Variants in GARIN1A observed in about 807,000 individuals in gnomAD.
GARIN1A encodes golgi associated RAB2 interactor 1A.
the GARIN1A span, among the ~76,000 whole-genome samples, chr7:128,698,273 G>A: frequency 6.6e-6 from 1 of 152,236 alleles, no homozygotes; most frequent in Admixed American, 6.5e-5. Context: ...GACAGCTCCT[G>A]CACCATCTCT....
chr7:128,682,767 G>A, the GARIN1A span, among the ~76,000 whole-genome samples: 1 of 152,024 alleles, frequency 6.6e-6, no homozygotes, highest in African/African-American at 2.4e-5. Context: ...AGTACAGACG[G>A]GGTTTCACCA....
At chr7:128,693,135 A>G in the GARIN1A span, among the ~76,000 whole-genome samples, 1 of 152,238 alleles carries the variant, frequency 6.6e-6, no homozygotes, top group African/African-American at 2.4e-5. Context: ...GGATACAGAT[A>G]ATTTTCTTTT....
chr7:128,677,563 G>A, the GARIN1A span: 1 of 1,597,670 alleles, frequency 6.3e-7, no homozygotes, highest in Non-Finnish European at 8.5e-7. Context: ...ATTATGTCCA[G>A]GCTTCTCCCC....
chr7:128,693,046 T>C, the GARIN1A span, among the ~76,000 whole-genome samples: 1 of 152,252 alleles, frequency 6.6e-6, no homozygotes, highest in African/African-American at 2.4e-5. Context: ...ACAGATAGTC[T>C]AAGAGAAGGC....
the GARIN1A span, among the ~76,000 whole-genome samples, chr7:128,673,965 C>T: frequency 3.7e-4 from 56 of 152,080 alleles, no homozygotes; most frequent in Non-Finnish European, 6.3e-4. Context: ...ATGGTCTAGG[C>T]TCACTGCAAC....
the GARIN1A span, among the ~76,000 whole-genome samples, chr7:128,676,411 C>T: frequency 9.9e-5 from 15 of 151,460 alleles, no homozygotes; most frequent in African/African-American, 3.2e-4. Flanking sequence ...ATCTTGGCTT[C>T]CTTTTCTGTA....
chr7:128,675,777 C>T, the GARIN1A span: 2 of 1,613,982 alleles, frequency 1.2e-6, no homozygotes, highest in South Asian at 1.1e-5. Context: ...CAATGTCCTC[C>T]TGATGGCCAA....
the GARIN1A span, among the ~76,000 whole-genome samples, chr7:128,689,217 C>T: frequency 1.3e-5 from 2 of 152,192 alleles, no homozygotes; most frequent in Non-Finnish European, 2.9e-5. Flanking sequence ...TCTGCCCAGC[C>T]GCCACCCCGT....
the GARIN1A span, among the ~76,000 whole-genome samples, chr7:128,704,493 C>T: frequency 7.6e-3 from 1,162 of 151,898 alleles, 13 homozygotes; most frequent in African/African-American, 0.027. Context: ...TTAGTACAGA[C>T]GGGGTTTCAC....
At chr7:128,703,672 G>A in the GARIN1A span, among the ~76,000 whole-genome samples, 104 of 152,240 alleles carry the variant, frequency 6.8e-4, 1 homozygote, top group African/African-American at 2.4e-3. Flanking sequence ...ACTGACTCGT[G>A]AGGCTGAGGC....
chr7:128,686,314 G>T, the GARIN1A span: 1 of 152,126 alleles, frequency 6.6e-6, no homozygotes, highest in Non-Finnish European at 1.5e-5. Context: ...TATCTTCTAA[G>T]CACTATGCTG....
At chr7:128,691,531 A>G in the GARIN1A span, 1 of 152,184 alleles carries the variant, frequency 6.6e-6, no homozygotes, top group Non-Finnish European at 1.5e-5. Flanking sequence ...AGGCATTCTT[A>G]GTCAAAGGAT....
chr7:128,680,604 G>T, the GARIN1A span, among the ~76,000 whole-genome samples: 39,901 of 136,204 alleles, frequency 0.29, 5,756 homozygotes, highest in East Asian at 0.55. Context: ...CACTCTTGTT[G>T]CCCAGGCTGG....
At chr7:128,698,007 G>A in the GARIN1A span, among the ~76,000 whole-genome samples, 1 of 152,126 alleles carries the variant, frequency 6.6e-6, no homozygotes, top group Non-Finnish European at 1.5e-5. Context: ...ATGAAGTCGT[G>A]CACAAGCATT....
At chr7:128,677,842 G>C in the GARIN1A span, 7 of 1,589,104 alleles carry the variant, frequency 4.4e-6, no homozygotes, top group Non-Finnish European at 6.0e-6. Flanking sequence ...GGGACCTGTC[G>C]AGAAATAAGT....
chr7:128,704,228 G>A, the GARIN1A span, among the ~76,000 whole-genome samples: 1 of 151,954 alleles, frequency 6.6e-6, no homozygotes, highest in East Asian at 1.9e-4. Flanking sequence ...GATGGAGGGT[G>A]GGGGGGCGGG....
chr7:128,703,413 A>G, the GARIN1A span, among the ~76,000 whole-genome samples: 2 of 152,258 alleles, frequency 1.3e-5, no homozygotes, highest in Non-Finnish European at 2.9e-5. Flanking sequence ...ACACACTTCT[A>G]CATAACCCAT....
At chr7:128,681,884 C>CA in the GARIN1A span, among the ~76,000 whole-genome samples, 2 of 139,178 alleles carry the variant, frequency 1.4e-5, no homozygotes, top group African/African-American at 5.6e-5. Context: ...ACACTGCACC[C>CA]CCCCCCACAA....
the GARIN1A span, chr7:128,672,648 G>GGGA: frequency 2.8e-6 from 2 of 709,210 alleles, no homozygotes; most frequent in Admixed American, 3.3e-5. Flanking sequence ...AGCCCTGGGG[G>GGGA]AGGGGGGGGC....
Sources: gnomAD v4.1 joint callset for allele counts (sites outside exome capture counted in the v4.1 genomes callset) on GRCh38, gnomAD v4.1.1 for gene constraint, MANE v1.5 for transcripts, NCBI Gene and HGNC (gene_info 2026-07-23, HGNC 2026-07-21) for gene names.